Variants in SRFBP1 observed in about 807,000 individuals in gnomAD.
SRFBP1 encodes serum response factor-binding protein 1.
SRFBP1 carries 47 observed loss-of-function variants against 45.5 expected under a neutral mutation model. The ratio of observed to expected loss-of-function variants is 1.03; its 90% CI spans 0.82 to 1.32. The LOEUF (loss-of-function observed/expected upper bound fraction) is 1.32, where lower values mean the gene tolerates loss of function less well. Ranked by LOEUF, SRFBP1 falls within the 40% of genes most tolerant of loss-of-function variation. SRFBP1 has a pLI of 0.00. For missense variants in SRFBP1, 621 were observed against 484.6 expected (o/e 1.28, Z -2.64); for synonymous variants, 203 against 166.3 (o/e 1.22, Z -1.70).
Position 121,962,084 on chromosome 5 carries a change from C to T in SRFBP1, c.36+16C>T, listed in dbSNP as rs955275125. ...CAATAACGAGGTGAGCGCCGAGGAA[C>T]CTATGGGGCTGACTTTAAGGGTCCT... On this transcript the variant is annotated intron_variant, in intron 1 of 7. Transcript: ENST00000339397. The T allele has an allele frequency of 1.2e-6, 2 of 1,613,974 alleles. No individual in the cohort carries two copies. The highest frequency in any genetic ancestry group is 1.3e-5 in the African/African-American group (1 of 75,036).
intron 6 of SRFBP1, among the ~76,000 whole-genome samples, chr5:122,021,347 T>G (rs1753318104): frequency 6.6e-6 from 1 of 152,206 alleles, no homozygotes; most frequent in Non-Finnish European, 1.5e-5. Flanking sequence ...AAACAGTAAG[T>G]TTAACTTTAT....
At chr5:122,056,472 G>A (rs1226423692) in intron 2 of SRFBP1, among the ~76,000 whole-genome samples, 1 of 152,170 alleles carries the variant, frequency 6.6e-6, no homozygotes, top group African/African-American at 2.4e-5. Flanking sequence ...GCATCTGGCT[G>A]CCAATAAACA....
At chr5:121,980,136 A>C (rs981099319) in intron 3 of SRFBP1, among the ~76,000 whole-genome samples, 1 of 152,106 alleles carries the variant, frequency 6.6e-6, no homozygotes, top group Non-Finnish European at 1.5e-5. Context: ...TCCCTCCCTG[A>C]TGTGTAATAA....
intron 2 of SRFBP1, among the ~76,000 whole-genome samples, chr5:122,052,695 C>G (rs545459332): frequency 6.6e-6 from 1 of 152,286 alleles, no homozygotes; most frequent in African/African-American, 2.4e-5. Flanking sequence ...TTTCGACATT[C>G]TCCTCAACCT....
At chr5:121,966,630 T>C (rs996682863) in intron 1 of SRFBP1, among the ~76,000 whole-genome samples, 1 of 152,202 alleles carries the variant, frequency 6.6e-6, no homozygotes, top group Non-Finnish European at 1.5e-5. Context: ...AGCTAGATTT[T>C]CTCAAGTCAT....
intron 2 of SRFBP1, among the ~76,000 whole-genome samples, chr5:122,068,869 G>GA (rs1384331347): frequency 6.6e-6 from 1 of 151,978 alleles, no homozygotes; most frequent in Non-Finnish European, 1.5e-5. Context: ...TAAAAATTAA[G>GA]AAAAAACTAA....
intron 1 of SRFBP1, among the ~76,000 whole-genome samples, chr5:121,971,044 G>C (rs1752181616): frequency 6.6e-6 from 1 of 152,036 alleles, no homozygotes. Context: ...CAGTGGAAAT[G>C]GTAGGTGTAA....
chr5:122,026,889 C>T, intron 7 of SRFBP1, 53 bp from the exon 8 acceptor site: 1 of 1,199,350 alleles, frequency 8.3e-7, no homozygotes, highest in Non-Finnish European at 1.1e-6. Context: ...ATTTACTTCT[C>T]CTATATGCTC....
chr5:122,040,391 T>A (rs1049067943), intron 2 of SRFBP1, among the ~76,000 whole-genome samples: 3 of 152,182 alleles, frequency 2.0e-5, no homozygotes, highest in Admixed American at 2.0e-4. Context: ...ACTTTGAACA[T>A]GTGTTTCTCT....
At chr5:121,969,444 C>A (rs1322880848) in intron 1 of SRFBP1, among the ~76,000 whole-genome samples, 3 of 151,892 alleles carry the variant, frequency 2.0e-5, no homozygotes, top group Non-Finnish European at 4.4e-5. Context: ...TGGACACTGC[C>A]AACTTTTGCC....
At chr5:122,014,901 A>C (rs1173655918) in intron 4 of SRFBP1, among the ~76,000 whole-genome samples, 1 of 152,232 alleles carries the variant, frequency 6.6e-6, no homozygotes, top group African/African-American at 2.4e-5. Flanking sequence ...TTGTCAAAAC[A>C]GGGATTTGGA....
At chr5:121,990,213 A>G (rs1388443350) in intron 3 of SRFBP1, among the ~76,000 whole-genome samples, 3 of 152,200 alleles carry the variant, frequency 2.0e-5, no homozygotes, top group Admixed American at 6.6e-5. Context: ...AATGTGGTCC[A>G]TATATACTAT....
intron 2 of SRFBP1, among the ~76,000 whole-genome samples, chr5:122,048,417 C>G (rs991798127): frequency 2.6e-5 from 4 of 152,120 alleles, no homozygotes; most frequent in African/African-American, 7.2e-5. Context: ...GGTGGATAAG[C>G]TTTTTGATGT....
chr5:121,992,373 C>G (rs1264529211), intron 3 of SRFBP1, among the ~76,000 whole-genome samples: 3 of 151,970 alleles, frequency 2.0e-5, no homozygotes, highest in Non-Finnish European at 4.4e-5. Flanking sequence ...ATTTCCCACA[C>G]TTTCGTTTTT....
intron 2 of SRFBP1, among the ~76,000 whole-genome samples, chr5:122,049,514 C>T (rs1753928777): frequency 6.6e-6 from 1 of 151,974 alleles, no homozygotes. Flanking sequence ...CTCAGCTCTG[C>T]ACTAAGCAGA....
chr5:122,031,525 T>C (rs755557224), downstream of SRFBP1, among the ~76,000 whole-genome samples: 1 of 152,050 alleles, frequency 6.6e-6, no homozygotes, highest in Non-Finnish European at 1.5e-5. Flanking sequence ...AAATCAATAA[T>C]GAGATAGAAA....
intron 3 of SRFBP1, among the ~76,000 whole-genome samples, chr5:121,981,487 A>G (rs1222930068): frequency 6.6e-6 from 1 of 151,800 alleles, no homozygotes; most frequent in Non-Finnish European, 1.5e-5. Context: ...ATGATATACA[A>G]GACCCTTTGT....
At chr5:122,073,479 C>A (rs1190345534) in intron 2 of SRFBP1, among the ~76,000 whole-genome samples, 1 of 152,172 alleles carries the variant, frequency 6.6e-6, no homozygotes, top group Admixed American at 6.5e-5. Context: ...CCTCCATTTG[C>A]TAACCGCAAC....
At position 121,997,618 on chromosome 5, in the gene SRFBP1, A is replaced by G. The variant is rs1301081987; in HGVS notation, c.270+2948A>G. Among the ~76,000 whole-genome samples, 6 of 151,714 alleles carry G rather than the reference A, an allele frequency of 4.0e-5. No individual in the cohort carries two copies. In the South Asian group the frequency reaches 6.3e-4, roughly 16 times the overall value. ...ACATAGGCATGGGCAAGGACTTCAT[A>G]TCCAAAACACCAAAAGCAATGGCAA... On this transcript the variant is annotated intron_variant, in intron 4 of 7. Coordinates refer to ENST00000339397, the MANE Select transcript of SRFBP1 (RefSeq NM_152546.3).
Sources: gnomAD v4.1 joint callset for allele counts (sites outside exome capture counted in the v4.1 genomes callset) on GRCh38, gnomAD v4.1.1 for gene constraint, MANE v1.5 for transcripts, NCBI Gene and HGNC (gene_info 2026-07-23, HGNC 2026-07-21) for gene names.